Variants in AOX1 observed in about 807,000 individuals in gnomAD.
AOX1 encodes aldehyde oxidase 1.
Under a neutral mutation model 169.5 loss-of-function variants are expected in AOX1, and 153 were observed. The ratio of observed to expected loss-of-function variants is 0.90; its 90% CI spans 0.79 to 1.03. The LOEUF (loss-of-function observed/expected upper bound fraction) is 1.03, where lower values mean the gene tolerates loss of function less well. AOX1 is among the 50% of genes least tolerant of loss of function. The pLI is 0.00. For missense variants in AOX1, 1,656 were observed against 1,663.9 expected (o/e 1.00, Z 0.08); for synonymous variants, 562 against 581.9 (o/e 0.97, Z 0.49).
intron 20 of AOX1, among the ~76,000 whole-genome samples, chr2:200,630,367 A>G (rs1262702291): frequency 6.6e-6 from 1 of 152,074 alleles, no homozygotes; most frequent in Non-Finnish European, 1.5e-5. Context: ...CAATAAAAAT[A>G]CAAAAATTAG....
At chr2:200,661,515 G>T in intron 29 of AOX1, 64 bp from the exon 30 acceptor site, 1 of 1,263,372 alleles carries the variant, frequency 7.9e-7, no homozygotes. Context: ...AATTAAAATT[G>T]AAGTCTTGAG....
chr2:200,604,657 A>G (rs778175016), intron 8 of AOX1, 39 bp from the exon 9 acceptor site: 15 of 1,611,628 alleles, frequency 9.3e-6, no homozygotes, highest in Non-Finnish European at 1.1e-5. Flanking sequence ...TGGAGATGGC[A>G]TCATTGGGTA....
At chr2:200,668,309 A>C (rs1172866713) in intron 32 of AOX1, among the ~76,000 whole-genome samples, 2 of 151,940 alleles carry the variant, frequency 1.3e-5, no homozygotes, top group African/African-American at 4.8e-5. Context: ...GGATTTCTCT[A>C]TGTTAGTCAG....
At chr2:200,638,383 T>C in intron 23 of AOX1, 81 bp downstream of exon 23, 2 of 1,237,840 alleles carry the variant, frequency 1.6e-6, no homozygotes, top group South Asian at 1.2e-5. Flanking sequence ...CTTTGGCTAC[T>C]CTCTAGTGGG....
At chr2:200,673,590 T>C (rs1472931729), downstream of AOX1, among the ~76,000 whole-genome samples, 1 of 152,244 alleles carries the variant, frequency 6.6e-6, no homozygotes, top group Non-Finnish European at 1.5e-5. Flanking sequence ...GCATTCATTT[T>C]GCTTTCCTTC....
At chr2:200,619,377 C>G (rs560135134) in intron 16 of AOX1, among the ~76,000 whole-genome samples, 29 of 152,288 alleles carry the variant, frequency 1.9e-4, no homozygotes, top group African/African-American at 7.0e-4. Flanking sequence ...CCCTCACCCC[C>G]AGGTCTTCCA....
chr2:200,613,789 C>A lies in AOX1; in HGVS notation c.1449-15C>A. 3.7e-6 allele frequency: 6 copies of A among 1,609,202 alleles called. No individual in the cohort carries two copies. Among genetic ancestry groups the A allele is most frequent in the Non-Finnish European group, 5.1e-6 (6 of 1,178,126 alleles). On this transcript the variant is annotated splice_polypyrimidine_tract_variant and intron_variant, in intron 14 of 34. Coordinates refer to ENST00000374700, the MANE Select transcript of AOX1 (RefSeq NM_001159.4). ...AACCCTGTCAGGCTAGGAGTCTTCT[C>A]TTTGGACTTTCCAGGCACTGGAACG...
At chr2:200,611,166 C>T (rs185828364) in intron 12 of AOX1, among the ~76,000 whole-genome samples, 129 of 152,194 alleles carry the variant, frequency 8.5e-4, no homozygotes, top group African/African-American at 3.0e-3. Context: ...ATGTTTTTAT[C>T]GATGAGAAAG....
chr2:200,600,409 T>C (rs2034386060), intron 5 of AOX1, among the ~76,000 whole-genome samples: 1 of 152,154 alleles, frequency 6.6e-6, no homozygotes, highest in Admixed American at 6.5e-5. Flanking sequence ...TTGATACTTA[T>C]TGCAAAGAAC....
chr2:200,657,190 A>ATATATTTTTTTTTT lies in AOX1; in HGVS notation c.3171+254_3171+255insATATTTTTTTTTTT. On this transcript the variant is annotated intron_variant, in intron 27 of 34. Coordinates refer to ENST00000374700, the MANE Select transcript of AOX1 (RefSeq NM_001159.4). ...AATATATATATATATATATATATAT[A>ATATATTTTTTTTTT]TTTTTTTTTTTTTTTAATTAGCAGG... Among the ~76,000 whole-genome samples, 29 of 62,878 alleles carry ATATATTTTTTTTTT rather than the reference A, an allele frequency of 4.6e-4. 1 individual carries two copies. Among genetic ancestry groups the ATATATTTTTTTTTT allele is most frequent in the African/African-American group, 2.1e-3 (27 of 12,640 alleles). The allele number at this position is 62,878 out of a possible 152,430, so 41.3% of individuals were successfully genotyped here. A position where few individuals can be genotyped will look rare whatever the true frequency, so the allele number is the denominator to read the frequency against.
rs759752004 is a variant in AOX1 at position 200,613,949 on chromosome 2, C to A, written c.1594C>A (p.Gln532Lys). 3.7e-6 allele frequency: 6 copies of A among 1,611,618 alleles called. No homozygotes were observed. The highest frequency in any genetic ancestry group is 5.1e-6 in the Non-Finnish European group (6 of 1,179,758). Reference protein sequence around the residue: ...FLFKFYLEVSQILKKMDPVHY... With the variant: ...FLFKFYLEVSKILKKMDPVHY... ...CTTCAAGTTCTACCTGGAAGTGTCACAGATTTTGAAAAAGATGGTAAACAA... is the reference window on the plus strand; with the variant it reads ...CTTCAAGTTCTACCTGGAAGTGTCAAAGATTTTGAAAAAGATGGTAAACAA... The change falls in exon 15 of 35, where the codon CAG becomes AAG. Residue 532 changes from glutamine to lysine, a missense_variant. Transcript: ENST00000374700.
intron 24 of AOX1, among the ~76,000 whole-genome samples, chr2:200,641,436 G>A (rs1439717610): frequency 6.6e-6 from 1 of 152,088 alleles, no homozygotes; most frequent in African/African-American, 2.4e-5. Flanking sequence ...ATGAGACCAA[G>A]CTTTCTCAGT....
chr2:200,646,931 TCTTTA>T (rs919478548), intron 25 of AOX1, among the ~76,000 whole-genome samples: 65 of 152,262 alleles, frequency 4.3e-4, no homozygotes, highest in Admixed American at 3.3e-4. Flanking sequence ...TTTTTCCACT[TCTTTA>T]CTTTAAGTTT....
chr2:200,599,000 C>T, intron 4 of AOX1, among the ~76,000 whole-genome samples: 1 of 152,114 alleles, frequency 6.6e-6, no homozygotes, highest in East Asian at 1.9e-4. Context: ...CCTGGTCATA[C>T]ACAGGCATAC....
intron 3 of AOX1, among the ~76,000 whole-genome samples, chr2:200,596,585 T>A (rs2034288709): frequency 6.6e-6 from 1 of 152,366 alleles, no homozygotes; most frequent in South Asian, 2.1e-4. Context: ...GAATCTGTTG[T>A]TATCAGCCCA....
At position 200,634,833 on chromosome 2, in the gene AOX1, C is replaced by T. The variant is rs35217482; in HGVS notation, c.2264C>T (p.Thr755Ile). ...MGGQEHFYME[T>I]QSMLVVPKGE... Reference sequence around the variant, plus strand: ...GGTCAAGAACATTTTTATATGGAAACCCAAAGCATGCTTGTCGTTCCCAAG... The same window carrying T: ...GGTCAAGAACATTTTTATATGGAAATCCAAAGCATGCTTGTCGTTCCCAAG... Residue 755 changes from threonine (T) to isoleucine (I), a missense_variant, in exon 21 of 35, where the codon ACC (threonine) becomes ATC (isoleucine). Physicochemically the swap from Thr to Ile is moderately conservative, Grantham distance 89. Transcript: ENST00000374700. 762 of 1,614,014 alleles carry T rather than the reference C, an allele frequency of 4.7e-4. 5 individuals carry two copies. The East Asian group carries it at 0.016, about 35-fold the overall frequency.
chr2:200,644,343 T>C (rs1015615576), intron 25 of AOX1, among the ~76,000 whole-genome samples: 1 of 152,224 alleles, frequency 6.6e-6, no homozygotes, highest in African/African-American at 2.4e-5. Context: ...TACGTTTTTG[T>C]TCGCTTTGTC....
Position 200,603,312 on chromosome 2 carries a change from G to T in AOX1, c.544G>T (p.Asp182Tyr), listed in dbSNP as rs980368912. ...TAAAGAAAATGGGGTTTGCTGTTTG[G>T]ATCAAGGAATCAATGGATTGCCAGA... ...QSKENGVCCL[D>Y]QGINGLPEFE... is the part of the protein sequence containing the mutation. The change falls in exon 7 of 35, where the codon GAT becomes TAT. Residue 182 changes from aspartate to tyrosine, a missense_variant. Asp to Tyr is a radical substitution (Grantham distance 160). Transcript: ENST00000374700. 1.2e-6 allele frequency: 2 copies of T among 1,613,868 alleles called. No individual in the cohort carries two copies. The highest frequency in any genetic ancestry group is 1.7e-6 in the Non-Finnish European group (2 of 1,179,942).
chr2:200,620,759 T>C lies in AOX1; in HGVS notation c.1814T>C (p.Leu605Pro), dbSNP rs1240376603. ...GCCATCTACTGTGATGACATGCCTC[T>C]GGTGGACCAGGAACTTTTCTTGACT... ...GEAIYCDDMP[L>P]VDQELFLTFV... Residue 605 changes from leucine (L) to proline (P), a missense_variant, in exon 17 of 35, where the codon CTG becomes CCG. Coordinates refer to ENST00000374700, the MANE Select transcript of AOX1 (RefSeq NM_001159.4). 9 of 1,609,660 alleles carry C rather than the reference T, an allele frequency of 5.6e-6. No homozygotes were observed. The highest frequency in any genetic ancestry group is 7.6e-6 in the Non-Finnish European group (9 of 1,178,640).
Sources: allele counts gnomAD v4.1 joint callset (sites outside exome capture counted in the v4.1 genomes callset), GRCh38; gene constraint gnomAD v4.1.1; transcripts MANE v1.5; gene names NCBI Gene and HGNC (gene_info 2026-07-23, HGNC 2026-07-21).